Variants in PURB observed in about 807,000 individuals in gnomAD.
PURB encodes purine rich element binding protein B.
Under a neutral mutation model 21.1 loss-of-function variants are expected in PURB, and 11 were observed. The observed-to-expected ratio is 0.52, with a 90% CI of 0.33 to 0.86. The LOEUF is 0.86. Ranked by LOEUF, PURB falls within the 40% of genes least tolerant of loss-of-function variation. PURB has a pLI of 0.02. For synonymous variants in PURB, 246 were observed against 210.8 expected (o/e 1.17, Z -1.45); for missense variants, 357 against 456.5 (o/e 0.78, Z 1.99).
rs1290667303 is a variant in PURB at position 44,884,944 on chromosome 7, G to A, written c.405C>T (p.Leu135=). 2.0e-5 allele frequency: 31 copies of A among 1,585,560 alleles called. No individual in the cohort carries two copies. The highest frequency in any genetic ancestry group is 2.7e-5 in the Non-Finnish European group (31 of 1,168,264). The change falls in exon 1 of 1, where the codon CTC becomes CTT. Residue 135 remains leucine, a synonymous_variant. Coordinates refer to ENST00000395699, the MANE Select transcript of PURB (RefSeq NM_033224.5). ...GGAAGCGGCCGCGCTGGTTCTCCTT[G>A]AGGTCCAGGTAGTACTTGCGGTTCT... The part of the protein sequence containing the change: ...VRENRKYYLD[L]KENQRGRFLR...
chr7:44,879,304 G>C lies in PURB; in HGVS notation c.*5106C>G, dbSNP rs1793842908. 1 of 152,194 alleles carries C rather than the reference G, an allele frequency of 6.6e-6. No individual in the cohort carries two copies. Among genetic ancestry groups the C allele is most frequent in the Admixed American group, 6.5e-5 (1 of 15,272 alleles). The allele number at this position is 152,194 out of a possible 1,614,324, so 9.4% of individuals were successfully genotyped here. On this transcript the variant is annotated 3_prime_UTR_variant, in exon 1 of 1. Transcript: ENST00000395699. ...AGCCTCCCAGAGTGCTGGGATTACA[G>C]GCGTGAGCCACCACGCCCGGCCGCA... is the stretch of plus-strand genomic sequence containing the variant.
In PURB at chr7:44,879,507, G is replaced by C. The variant is rs1256666335; in HGVS notation, c.*4903C>G. 1 of 131,414 alleles carries C rather than the reference G, an allele frequency of 7.6e-6. No individual in the cohort carries two copies. The allele number at this position is 131,414 out of a possible 1,614,324, so 8.1% of individuals were successfully genotyped here. A position where few individuals can be genotyped will look rare whatever the true frequency, so the allele number is the denominator to read the frequency against. ...ACTGAATGGGAGTTGTAACTCTTTA[G>C]GAAGACAGCTAATTGATTTACAGTA... On this transcript the variant is annotated 3_prime_UTR_variant, in exon 1 of 1. Coordinates refer to ENST00000395699, the MANE Select transcript of PURB (RefSeq NM_033224.5).
chr7:44,884,407 G>C lies in PURB; in HGVS notation c.*3C>G. ...TGGAGGCCTGTAGGGGAAGCTGCCC[G>C]TTTCAATCCTCATCCACCTCCTCAC... On this transcript the variant is annotated 3_prime_UTR_variant, in exon 1 of 1. Coordinates refer to ENST00000395699, the MANE Select transcript of PURB (RefSeq NM_033224.5). 1 of 1,611,704 alleles carries C rather than the reference G, an allele frequency of 6.2e-7. No homozygotes were observed.
At position 44,879,401 on chromosome 7, in the gene PURB, G is replaced by GT. The variant is rs78309085; in HGVS notation, c.*5008dup. 133 of 141,132 alleles carry GT rather than the reference G, an allele frequency of 9.4e-4. 1 individual carries two copies. The highest frequency in any genetic ancestry group is 2.4e-3 in the South Asian group (11 of 4,566). The allele number at this position is 141,132 out of a possible 1,614,324, so 8.7% of individuals were successfully genotyped here. A position where few individuals can be genotyped will look rare whatever the true frequency, so the allele number is the denominator to read the frequency against. On this transcript the variant is annotated 3_prime_UTR_variant, in exon 1 of 1. Coordinates refer to ENST00000395699, the MANE Select transcript of PURB (RefSeq NM_033224.5). ...GTCTGTATTTTCTTAAGGTAAATGT[G>GT]TTTTTTTTTTTTTCTTTTTTCTTTT...
In PURB at chr7:44,878,011, A is replaced by G. The variant is rs1471627439; in HGVS notation, c.*6399T>C. Reference sequence around the variant, plus strand: ...TATGTCTCTGAAAAAGGAATTTTACAAGAGAATAAACAAACCACTCACCAT... The same window carrying G: ...TATGTCTCTGAAAAAGGAATTTTACGAGAGAATAAACAAACCACTCACCAT... On this transcript the variant is annotated 3_prime_UTR_variant, in exon 1 of 1. Coordinates refer to ENST00000395699, the MANE Select transcript of PURB (RefSeq NM_033224.5). The G allele has an allele frequency of 2.6e-5, 4 of 152,220 alleles. No individual in the cohort carries two copies. The highest frequency in any genetic ancestry group is 7.2e-5 in the African/African-American group (3 of 41,464). 9.4% of individuals were successfully genotyped at this position (152,220 alleles called of 1,614,324 possible). A position where few individuals can be genotyped will look rare whatever the true frequency, so the allele number is the denominator to read the frequency against.
Position 44,884,604 on chromosome 7 carries a change from C to A in PURB, c.745G>T (p.Glu249Ter). 1 of 1,614,230 alleles carries A rather than the reference C, an allele frequency of 6.2e-7. No individual in the cohort carries two copies. The highest frequency in any genetic ancestry group is 8.5e-7 in the Non-Finnish European group (1 of 1,180,046). ...GCATTGCGGTAGGACGGCTTCACCT[C>A]GCTCACTCGCAGAAACACCCCGTAT... Reference protein sequence around the residue: ...NKYGVFLRVSEVKPSYRNAIT... With the variant: ...NKYGVFLRVS Residue 249 changes from glutamate to a stop codon, truncating the protein, a stop_gained, in exon 1 of 1, where the codon GAG becomes TAG. Transcript: ENST00000395699. LOFTEE classifies it high-confidence loss of function.
At position 44,884,867 on chromosome 7, in the gene PURB, G is replaced by T. The variant is rs575521615; in HGVS notation, c.482C>A (p.Pro161His). 4 of 1,557,392 alleles carry T rather than the reference G, an allele frequency of 2.6e-6. No homozygotes were observed. The South Asian group carries it at 4.6e-5, about 18-fold the overall frequency. ...GCCGCTCTGCAAGCCGCCCGGCCCG[G>T]GGCCCGCGCCGAAGCCGCCACCGCC... ...NRGGGGFGAG[P>H]GPGGLQSGQT... is the part of the protein sequence containing the mutation. Residue 161 changes from proline (P) to histidine (H), a missense_variant, in exon 1 of 1, where the codon CCC becomes CAC. By Grantham distance (77) the Pro-to-His change is moderately conservative. Transcript: ENST00000395699.
In PURB at chr7:44,881,343, C is replaced by T. The variant is rs1793873153; in HGVS notation, c.*3067G>A. On this transcript the variant is annotated 3_prime_UTR_variant, in exon 1 of 1. Transcript: ENST00000395699. ...GACTGGAATTAACAAAGACCATTTCCTTTAATAAGCTATTAATAATATTTA... is the reference window on the plus strand; with the variant it reads ...GACTGGAATTAACAAAGACCATTTCTTTTAATAAGCTATTAATAATATTTA... 1 of 152,356 alleles carries T rather than the reference C, an allele frequency of 6.6e-6. No homozygotes were observed. The highest frequency in any genetic ancestry group is 2.4e-5 in the African/African-American group (1 of 41,434). The allele number at this position is 152,356 out of a possible 1,614,324, so 9.4% of individuals were successfully genotyped here.
rs1217769499 is a variant in PURB, at chr7:44,881,096, TA to T, written c.*3313del. 6.6e-6 allele frequency: 1 copy of T among 152,532 alleles called. No individual in the cohort carries two copies. Among genetic ancestry groups the T allele is most frequent in the Non-Finnish European group, 1.5e-5 (1 of 68,024 alleles). 9.4% of individuals were successfully genotyped at this position (152,532 alleles called of 1,614,324 possible). ...ATTTTTATTCTTTTGATTCTGTTCC[TA>T]AAATTTGGCTTTTCACCTTTGTAAC... On this transcript the variant is annotated 3_prime_UTR_variant, in exon 1 of 1. Transcript: ENST00000395699.
In PURB at chr7:44,884,770, G is replaced by A. The variant is rs769228188; in HGVS notation, c.579C>T (p.Tyr193=). Residue 193 remains tyrosine, a synonymous_variant, in exon 1 of 1, where the codon TAC becomes TAT. Coordinates refer to ENST00000395699, the MANE Select transcript of PURB (RefSeq NM_033224.5). ...CTGCCAGCTCGTCGTCCTCGCCTCC[G>A]TAGTCGTCTATGAGCTTCGCCAGCG... is the stretch of plus-strand genomic sequence containing the variant. The part of the protein sequence containing the change: ...RDALAKLIDD[Y]GGEDDELAGG... 3.1e-6 allele frequency: 5 copies of A among 1,610,064 alleles called. No individual in the cohort carries two copies. The Admixed American group carries it at 5.0e-5, about 16-fold the overall frequency.
In PURB at chr7:44,884,837, G is replaced by T; in HGVS notation, c.512C>A (p.Thr171Asn). 1 of 1,572,828 alleles carries T rather than the reference G, an allele frequency of 6.4e-7. No individual in the cohort carries two copies. The part of the protein sequence containing the change: ...PGPGGLQSGQ[T>N]IALPAQGLIE... Reference sequence around the variant, plus strand: ...GAGGCCCTGCGCAGGCAGCGCGATGGTCTGGCCGCTCTGCAAGCCGCCCGG... The same window carrying T: ...GAGGCCCTGCGCAGGCAGCGCGATGTTCTGGCCGCTCTGCAAGCCGCCCGG... Residue 171 changes from threonine (T) to asparagine (N), a missense_variant, in exon 1 of 1, where the codon ACC (threonine) becomes AAC (asparagine). Transcript: ENST00000395699.
rs961273003 is a variant in PURB at position 44,881,465 on chromosome 7, C to T, written c.*2945G>A. The T allele has an allele frequency of 6.6e-6, 1 of 152,552 alleles. No individual in the cohort carries two copies. Among genetic ancestry groups the T allele is most frequent in the Non-Finnish European group, 1.5e-5 (1 of 68,024 alleles). 9.4% of individuals were successfully genotyped at this position (152,552 alleles called of 1,614,324 possible). A position where few individuals can be genotyped will look rare whatever the true frequency, so the allele number is the denominator to read the frequency against. Reference sequence around the variant, plus strand: ...TTAATCCACAGCCTTCTGCAATCTTCCTGCAGTGGGAAGAGAGGCCATGAA... The same window carrying T: ...TTAATCCACAGCCTTCTGCAATCTTTCTGCAGTGGGAAGAGAGGCCATGAA... On this transcript the variant is annotated 3_prime_UTR_variant, in exon 1 of 1. Transcript: ENST00000395699.
chr7:44,884,541 C>T lies in PURB; in HGVS notation c.808G>A (p.Gly270Ser), dbSNP rs150253332. 6.7e-5 allele frequency: 108 copies of T among 1,614,084 alleles called. No individual in the cohort carries two copies. The highest frequency in any genetic ancestry group is 9.2e-5 in the Non-Finnish European group (108 of 1,180,054). ...VPFKAWGKFG[G>S]AFCRYADEMK... The stretch of plus-strand genomic sequence containing the variant: ...TCATCCGCATACCGGCAAAAGGCGC[C>T]TCCGAACTTGCCCCAGGCTTTGAAG... The change falls in exon 1 of 1, where the codon GGC (glycine) becomes AGC (serine). Residue 270 changes from glycine to serine, a missense_variant. Gly to Ser is a moderately conservative substitution (Grantham distance 56). Transcript: ENST00000395699.
Position 44,882,089 on chromosome 7 carries a change from G to C in PURB, c.*2321C>G, listed in dbSNP as rs754203161. 4 of 152,622 alleles carry C rather than the reference G, an allele frequency of 2.6e-5. No individual in the cohort carries two copies. Among genetic ancestry groups the C allele is most frequent in the Admixed American group, 2.6e-4 (4 of 15,278 alleles). The allele number at this position is 152,622 out of a possible 1,614,324, so 9.5% of individuals were successfully genotyped here. ...AAGTTACAGCAATCAACTAATAGCT[G>C]CAACTTAAATTTTCATTGCTGCCTC... On this transcript the variant is annotated 3_prime_UTR_variant, in exon 1 of 1. Coordinates refer to ENST00000395699, the MANE Select transcript of PURB (RefSeq NM_033224.5).
chr7:44,884,197 T>G lies in PURB; in HGVS notation c.*213A>C. 1.8e-6 allele frequency: 2 copies of G among 1,133,986 alleles called. No homozygotes were observed. The highest frequency in any genetic ancestry group is 1.2e-6 in the Non-Finnish European group (1 of 829,830). The allele number at this position is 1,133,986 out of a possible 1,614,324, so 70.2% of individuals were successfully genotyped here. On this transcript the variant is annotated 3_prime_UTR_variant, in exon 1 of 1. Transcript: ENST00000395699. ...AGATGCTGTTTTCCTCTTTGCAGGT[T>G]GCTGTCAGTTCCTTGGAACTTGACT...
rs1382598866 is a variant in PURB, at chr7:44,885,101, A to G, written c.248T>C (p.Phe83Ser). The change falls in exon 1 of 1, where the codon TTC (phenylalanine) becomes TCC (serine). Residue 83 changes from phenylalanine to serine, a missense_variant. Transcript: ENST00000395699. ...TATGAAGTCGCCCAGCGAGTCGCGG[A>G]ACTCGGCGGCCACCGCCATGGACAG... is the stretch of plus-strand genomic sequence containing the variant. ...LTLSMAVAAE[F>S]RDSLGDFIEH... 1 of 1,574,646 alleles carries G rather than the reference A, an allele frequency of 6.4e-7. No homozygotes were observed.
chr7:44,884,432 C>A lies in PURB; in HGVS notation c.917G>T (p.Gly306Val). The change falls in exon 1 of 1, where the codon GGT becomes GTT. Residue 306 changes from glycine (G) to valine (V), a missense_variant. Transcript: ENST00000395699. The stretch of plus-strand genomic sequence containing the variant: ...GTTTCAATCCTCATCCACCTCCTCA[C>A]CCTCTGACTCTTCGCCGCCGCCGCT... ...GGSGGGEESE[G>V]EEVDED is the part of the protein sequence containing the mutation. 1 of 1,613,576 alleles carries A rather than the reference C, an allele frequency of 6.2e-7. No homozygotes were observed.
At position 44,879,064 on chromosome 7, in the gene PURB, G is replaced by T. The variant is rs555792969; in HGVS notation, c.*5346C>A. ...AATTTATTTATTTATTTTTTGAGACGGAGTCTTGTTCTGTTACCCAGGCTG... is the reference window on the plus strand; with the variant it reads ...AATTTATTTATTTATTTTTTGAGACTGAGTCTTGTTCTGTTACCCAGGCTG... On this transcript the variant is annotated 3_prime_UTR_variant, in exon 1 of 1. Coordinates refer to ENST00000395699, the MANE Select transcript of PURB (RefSeq NM_033224.5). The T allele has an allele frequency of 2.0e-5, 3 of 152,002 alleles. No individual in the cohort carries two copies. Among genetic ancestry groups the T allele is most frequent in the Non-Finnish European group, 4.4e-5 (3 of 68,000 alleles). 9.4% of individuals were successfully genotyped at this position (152,002 alleles called of 1,614,324 possible). A position where few individuals can be genotyped will look rare whatever the true frequency, so the allele number is the denominator to read the frequency against.
Position 44,881,232 on chromosome 7 carries a change from A to T in PURB, c.*3178T>A, listed in dbSNP as rs576750301. ...ATTAGCTGGGATGTTTGCCAAGCTT[A>T]AAAAAAAAGGCTCAAAATCATTCAT... On this transcript the variant is annotated 3_prime_UTR_variant, in exon 1 of 1. Coordinates refer to ENST00000395699, the MANE Select transcript of PURB (RefSeq NM_033224.5). The T allele has an allele frequency of 5.3e-5, 8 of 151,422 alleles. No individual in the cohort carries two copies. The highest frequency in any genetic ancestry group is 1.2e-4 in the Non-Finnish European group (8 of 67,760). 9.4% of individuals were successfully genotyped at this position (151,422 alleles called of 1,614,324 possible).
Sources: allele counts gnomAD v4.1 joint callset, GRCh38; gene constraint gnomAD v4.1.1; transcripts MANE v1.5; gene names NCBI Gene and HGNC (gene_info 2026-07-23, HGNC 2026-07-21).